SDK1: variants seen among roughly 807,000 people sequenced by gnomAD.
The protein encoded by SDK1 is protein sidekick-1.
A neutral mutation model predicts 245.5 loss-of-function variants in SDK1; 157 were observed. The ratio of observed to expected loss-of-function variants is 0.64; its 90% CI spans 0.56 to 0.73. SDK1 has a LOEUF of 0.73. Ranked by LOEUF, SDK1 falls within the 30% of genes least tolerant of loss-of-function variation. The pLI is 0.00. For missense variants in SDK1, 3,583 were observed against 3,002.3 expected, an observed-to-expected ratio of 1.19 and a Z score of -4.52; for synonymous variants, 1,647 against 1,278.5, an observed-to-expected ratio of 1.29 and a Z score of -6.15.
chr7:4,164,546 G>C (rs926532299), intron 32 of SDK1, among the ~76,000 whole-genome samples: 1 of 152,226 alleles, frequency 6.6e-6, no homozygotes, highest in African/African-American at 2.4e-5. Flanking sequence ...TTGGCACTTT[G>C]TACCATGCTG....
At chr7:3,687,056 AACACACACACACACACACACACACAC>A (rs200034994) in intron 4 of SDK1, among the ~76,000 whole-genome samples, 1 of 135,162 alleles carries the variant, frequency 7.4e-6, no homozygotes, top group South Asian at 2.5e-4. Flanking sequence ...ATAGCATCAA[AACACACACACACACACACACACACAC>A]ACACACACAC....
intron 19 of SDK1, among the ~76,000 whole-genome samples, chr7:4,062,400 A>G (rs886455168): frequency 6.6e-6 from 1 of 152,196 alleles, no homozygotes; most frequent in Admixed American, 6.5e-5. Context: ...ACCTACCAAG[A>G]TTGAATCAGA....
intron 16 of SDK1, among the ~76,000 whole-genome samples, chr7:4,012,461 A>T (rs977134943): frequency 3.3e-5 from 5 of 150,086 alleles, no homozygotes; most frequent in African/African-American, 1.2e-4. Flanking sequence ...TAAATGACAC[A>T]CACAAAACTG....
At chr7:3,972,863 A>T (rs1782597750) in intron 12 of SDK1, among the ~76,000 whole-genome samples, 1 of 152,184 alleles carries the variant, frequency 6.6e-6, no homozygotes, top group African/African-American at 2.4e-5. Context: ...GTGGGTGCCG[A>T]ATGCAAAACA....
At chr7:3,974,193 A>G (rs1329417313) in intron 12 of SDK1, among the ~76,000 whole-genome samples, 176 bp from the exon 13 acceptor site, 16 of 151,714 alleles carry the variant, frequency 1.1e-4, no homozygotes, top group Non-Finnish European at 2.4e-4. Flanking sequence ...CAAAAAAAAA[A>G]AAAAAAAGAA....
chr7:3,463,294 C>G (rs1780889937), intron 1 of SDK1, among the ~76,000 whole-genome samples: 1 of 151,928 alleles, frequency 6.6e-6, no homozygotes, highest in East Asian at 1.9e-4. Flanking sequence ...TGTTTTTTCA[C>G]CATTTTAACT....
At chr7:3,944,029 G>C (rs908237201) in intron 5 of SDK1, among the ~76,000 whole-genome samples, 1 of 152,240 alleles carries the variant, frequency 6.6e-6, no homozygotes. Context: ...GAAACGTTCA[G>C]TTGAGAACAC....
intron 32 of SDK1, among the ~76,000 whole-genome samples, chr7:4,165,336 G>C (rs552210384): frequency 6.6e-6 from 1 of 152,176 alleles, no homozygotes; most frequent in East Asian, 1.9e-4. Context: ...TCCAGCCTGG[G>C]CAACAACAGC....
At chr7:3,380,781 C>T (rs904854563) in intron 1 of SDK1, among the ~76,000 whole-genome samples, 1 of 152,030 alleles carries the variant, frequency 6.6e-6, no homozygotes, top group Non-Finnish European at 1.5e-5. Flanking sequence ...GTGATTCAGG[C>T]GAAAGGGAAG....
At chr7:3,666,929 T>C (rs1462629383) in intron 4 of SDK1, among the ~76,000 whole-genome samples, 1 of 152,164 alleles carries the variant, frequency 6.6e-6, no homozygotes, top group Non-Finnish European at 1.5e-5. Flanking sequence ...CACATCACAC[T>C]TTTCTAAACT....
intron 22 of SDK1, among the ~76,000 whole-genome samples, chr7:4,108,858 C>T (rs1263834410): frequency 6.6e-6 from 1 of 152,180 alleles, no homozygotes; most frequent in Non-Finnish European, 1.5e-5. Context: ...CCCTGGCAAC[C>T]ACCAACCTGC....
intron 17 of SDK1, among the ~76,000 whole-genome samples, chr7:4,024,717 C>T (rs528467691): frequency 6.6e-6 from 1 of 152,302 alleles, no homozygotes; most frequent in African/African-American, 2.4e-5. Context: ...ACTCACTTTC[C>T]CAAGGTGATA....
intron 5 of SDK1, among the ~76,000 whole-genome samples, chr7:3,881,898 C>G (rs543719596): frequency 6.6e-6 from 1 of 152,178 alleles, no homozygotes; most frequent in Non-Finnish European, 1.5e-5. Flanking sequence ...GAGCTCTGTT[C>G]CCGGGAGGCT....
intron 14 of SDK1, among the ~76,000 whole-genome samples, chr7:4,003,281 G>A (rs1034455805): frequency 7.2e-5 from 11 of 152,208 alleles, no homozygotes; most frequent in Admixed American, 3.3e-4. Flanking sequence ...ACTCATGGTA[G>A]GTCTTTCTTT....
chr7:3,802,108 C>G (rs903687650), intron 4 of SDK1, among the ~76,000 whole-genome samples: 3 of 152,132 alleles, frequency 2.0e-5, no homozygotes, highest in Non-Finnish European at 2.9e-5. Context: ...TACCCTTCAC[C>G]CAATGTTTAT....
At chr7:4,008,806 C>G (rs1043140108) in intron 14 of SDK1, among the ~76,000 whole-genome samples, 1 of 152,152 alleles carries the variant, frequency 6.6e-6, no homozygotes, top group Non-Finnish European at 1.5e-5. Context: ...CTCATCATAT[C>G]CCTCAGGTTG....
chr7:3,691,092 C>G lies in SDK1; in HGVS notation c.713+48987C>G, dbSNP rs561431202. Among the ~76,000 whole-genome samples the G allele has an allele frequency of 2.0e-5, 3 of 152,298 alleles. No individual in the cohort carries two copies. The South Asian group carries it at 6.2e-4, about 32-fold the overall frequency. The stretch of plus-strand genomic sequence containing the variant: ...AAATACTCATTTCTCATTTTCTTAT[C>G]ATTTGACAGGAAGCTTACCAATTTA... On this transcript the variant is annotated intron_variant, in intron 4 of 44. Transcript: ENST00000404826.
chr7:3,821,730 C>T lies in SDK1; in HGVS notation c.847+147C>T, dbSNP rs886991282. 2.9e-5 allele frequency: 21 copies of T among 726,540 alleles called. No homozygotes were observed. In the East Asian group the frequency reaches 4.1e-4, roughly 14 times the overall value. The allele number at this position is 726,540 out of a possible 1,614,324, so 45.0% of individuals were successfully genotyped here. On this transcript the variant is annotated intron_variant, in intron 5 of 44. Coordinates refer to ENST00000404826, the MANE Select transcript of SDK1 (RefSeq NM_152744.4). ...TAATATTGATCCAGTGCCAATAGTT[C>T]GGAGAGCTTTAGGGCTCTTGCTTTC...
intron 25 of SDK1, among the ~76,000 whole-genome samples, chr7:4,121,802 T>G (rs1784082010): frequency 6.6e-6 from 1 of 152,208 alleles, no homozygotes; most frequent in Non-Finnish European, 1.5e-5. Flanking sequence ...AGTTATTACA[T>G]TCTTTCTTAT....
Sources: gnomAD v4.1 joint callset for allele counts (sites outside exome capture counted in the v4.1 genomes callset) on GRCh38, gnomAD v4.1.1 for gene constraint, MANE v1.5 for transcripts, NCBI Gene and HGNC (gene_info 2026-07-23, HGNC 2026-07-21) for gene names.